TNNI3: variants seen among roughly 807,000 people sequenced by gnomAD.
TNNI3 encodes troponin I, cardiac muscle.
A neutral mutation model predicts 31.5 loss-of-function variants in TNNI3; 23 were observed. That is an observed-to-expected ratio of 0.73 (90% CI 0.52 to 1.03). The LOEUF (loss-of-function observed/expected upper bound fraction) is 1.03. Among genes scored for constraint, TNNI3 ranks in the 50% least tolerant of loss-of-function variants. TNNI3 has a pLI of 0.00. For synonymous variants in TNNI3, 120 were observed against 111.7 expected (o/e 1.07, Z -0.47); for missense variants, 236 against 282.9 (o/e 0.83, Z 1.19).
rs1208458716 is a variant in TNNI3, at chr19:55,152,246, TG to T, written c.550-330del. Among the ~76,000 whole-genome samples, 2 of 152,104 alleles carry T rather than the reference TG, an allele frequency of 1.3e-5. No homozygotes were observed. Among genetic ancestry groups the T allele is most frequent in the Non-Finnish European group, 2.9e-5 (2 of 68,020 alleles). Reference sequence around the variant, plus strand: ...TCCCCTCCACTTCCTGTCTCCTTCCTGCACTTCCTATCTTTCCCCTCCACTT... The same window carrying T: ...TCCCCTCCACTTCCTGTCTCCTTCCTCACTTCCTATCTTTCCCCTCCACTT... On this transcript the variant is annotated intron_variant, in intron 7 of 7. Transcript: ENST00000344887. The surrounding 1 kb of genome is among the most constrained non-coding windows in gnomAD (Gnocchi z 4.0).
Position 55,157,121 on chromosome 19 carries a change from G to A in TNNI3, c.37C>T (p.Arg13Cys). 6.2e-7 allele frequency: 1 copy of A among 1,602,166 alleles called. No homozygotes were observed. Among genetic ancestry groups the A allele is most frequent in the Non-Finnish European group, 8.5e-7 (1 of 1,176,098 alleles). The change falls in exon 3 of 8, where the codon CGC becomes TGC. Residue 13 changes from arginine (R) to cysteine (C), a missense_variant. Arg to Cys is a radical substitution (Grantham distance 180). Coordinates refer to ENST00000344887, the MANE Select transcript of TNNI3 (RefSeq NM_000363.5). The surrounding 1 kb of genome is among the most constrained non-coding windows in gnomAD (Gnocchi z 6.3). Reference sequence around the variant, plus strand: ...CGTCTGATTGGGGCTGGTGCAGGGCGAGGTTCCCTAGCCTGGGTTAGGAGG... The same window carrying A: ...CGTCTGATTGGGGCTGGTGCAGGGCAAGGTTCCCTAGCCTGGGTTAGGAGG... ...DGSSDAAREP[R>C]PAPAPIRRRS...
chr19:55,156,923 A>G lies in TNNI3; in HGVS notation c.108+127T>C. Reference sequence around the variant, plus strand: ...CACCAATCCGAGCATGACCCTCTGCAAAACTCCGCCCCTGAAGCCCCTCCG... The same window carrying G: ...CACCAATCCGAGCATGACCCTCTGCGAAACTCCGCCCCTGAAGCCCCTCCG... On this transcript the variant is annotated intron_variant, in intron 3 of 7. Coordinates refer to ENST00000344887, the MANE Select transcript of TNNI3 (RefSeq NM_000363.5). The surrounding 1 kb of genome is among the most constrained non-coding windows in gnomAD (Gnocchi z 4.6). 1 of 1,158,386 alleles carries G rather than the reference A, an allele frequency of 8.6e-7. No homozygotes were observed. The highest frequency in any genetic ancestry group is 1.2e-6 in the Non-Finnish European group (1 of 803,640). The allele number at this position is 1,158,386 out of a possible 1,614,324, so 71.8% of individuals were successfully genotyped here.
rs1041547434 is a variant in TNNI3 at position 55,156,771 on chromosome 19, C to G, written c.109-127G>C. On this transcript the variant is annotated intron_variant, in intron 3 of 7. Coordinates refer to ENST00000344887, the MANE Select transcript of TNNI3 (RefSeq NM_000363.5). This position sits in a 1 kb window ranked among gnomAD's most constrained non-coding sequence, Gnocchi z 4.6. ...TTTGGGCCCACGTCCAACTTGAGCC[C>G]TGAGTCTACGGGAGGCCACGCCCCT... The G allele has an allele frequency of 6.1e-5, 69 of 1,124,778 alleles. No homozygotes were observed. Among genetic ancestry groups the G allele is most frequent in the Non-Finnish European group, 8.4e-5 (64 of 760,162 alleles). 69.7% of individuals were successfully genotyped at this position (1,124,778 alleles called of 1,614,324 possible). A position where few individuals can be genotyped will look rare whatever the true frequency, so the allele number is the denominator to read the frequency against.
chr19:55,153,116 G>C (rs1043067179), intron 7 of TNNI3, among the ~76,000 whole-genome samples: 5 of 151,876 alleles, frequency 3.3e-5, no homozygotes, highest in Admixed American at 6.6e-5. Context: ...ATTTTTTATA[G>C]AGACATGGTC....
rs2085733151 is a variant in TNNI3 at position 55,156,684 on chromosome 19, G to A, written c.109-40C>T. ...TGGAGCAAGGAAGGATCATGGAGGG[G>A]GATTCGGAGACGACGGTGGAGGGGA... On this transcript the variant is annotated intron_variant, in intron 3 of 7. Transcript: ENST00000344887. This position sits in a 1 kb window ranked among gnomAD's most constrained non-coding sequence, Gnocchi z 4.6. The A allele has an allele frequency of 6.4e-7, 1 of 1,554,778 alleles. No homozygotes were observed. Among genetic ancestry groups the A allele is most frequent in the Non-Finnish European group, 8.7e-7 (1 of 1,147,594 alleles).
chr19:55,156,968 G>GCAGC lies in TNNI3; in HGVS notation c.108+78_108+81dup. ...CCTCCGCGTAGTCCCCGCCCCCTTCGCAGCCCTGGCTCCTCCCCCCACTCC... is the reference window on the plus strand; with the variant it reads ...CCTCCGCGTAGTCCCCGCCCCCTTCGCAGCCAGCCCTGGCTCCTCCCCCCACTCC... On this transcript the variant is annotated intron_variant, in intron 3 of 7. Transcript: ENST00000344887. This position sits in a 1 kb window ranked among gnomAD's most constrained non-coding sequence, Gnocchi z 4.6. The GCAGC allele has an allele frequency of 6.9e-7, 1 of 1,442,428 alleles. No individual in the cohort carries two copies. The highest frequency in any genetic ancestry group is 2.5e-5 in the East Asian group (1 of 40,736). 89.4% of individuals were successfully genotyped at this position (1,442,428 alleles called of 1,614,324 possible).
chr19:55,152,047 T>G lies in TNNI3; in HGVS notation c.550-130A>C. On this transcript the variant is annotated intron_variant, in intron 7 of 7. Transcript: ENST00000344887. The surrounding 1 kb of genome is among the most constrained non-coding windows in gnomAD (Gnocchi z 4.0). The stretch of plus-strand genomic sequence containing the variant: ...CCTAAGTATCTAGTTCTGGAGCACT[T>G]CCTGTCTTTTCAAGATAATCCCTGC... 1.2e-6 allele frequency: 1 copy of G among 806,648 alleles called. No individual in the cohort carries two copies. The highest frequency in any genetic ancestry group is 1.5e-5 in the South Asian group (1 of 68,724). 50.0% of individuals were successfully genotyped at this position (806,648 alleles called of 1,614,324 possible).
In TNNI3 at chr19:55,156,248, G is replaced by T. The variant is rs3729712; in HGVS notation, c.235C>A (p.Arg79Ser). ...CCGGCCAACTCCAGCGGCTGGCAGC[G>T]GGTGCTCAGAGCGCGCCCCTTCTCT... ...RGEKGRALST[R>S]CQPLELAGLG... Residue 79 changes from arginine (R) to serine (S), a missense_variant, in exon 5 of 8, where the codon CGC becomes AGC. This residue lies in a region of TNNI3 where 172 missense variants were observed against 171.8 expected (regional missense o/e 1.00). Transcript: ENST00000344887. This position sits in a 1 kb window ranked among gnomAD's most constrained non-coding sequence, Gnocchi z 4.6. 3 of 1,612,258 alleles carry T rather than the reference G, an allele frequency of 1.9e-6. No homozygotes were observed. Among genetic ancestry groups the T allele is most frequent in the Non-Finnish European group, 2.5e-6 (3 of 1,179,806 alleles).
rs1035943849 is a variant in TNNI3, at chr19:55,156,078, C to G, written c.282+123G>C. ...AGGGTGTTAGGGGCCAGGAGTCCCA[C>G]GAACCATATATAATTGGGTAAGGAC... On this transcript the variant is annotated intron_variant, in intron 5 of 7. Transcript: ENST00000344887. This position sits in a 1 kb window ranked among gnomAD's most constrained non-coding sequence, Gnocchi z 4.6. 2.0e-6 allele frequency: 3 copies of G among 1,471,950 alleles called. No homozygotes were observed. Among genetic ancestry groups the G allele is most frequent in the Admixed American group, 1.8e-5 (1 of 55,270 alleles). The allele number at this position is 1,471,950 out of a possible 1,614,324, so 91.2% of individuals were successfully genotyped here.
rs1197428009 is a variant in TNNI3, at chr19:55,154,026, T to C, written c.549+4A>G. 1 of 1,611,086 alleles carries C rather than the reference T, an allele frequency of 6.2e-7. No individual in the cohort carries two copies. The highest frequency in any genetic ancestry group is 2.2e-5 in the East Asian group (1 of 44,808). ...CCTCTTTCCTGGCCTTAGCCCACAC[T>C]CACCTTCTCGGTGTCCTCCTTCTTC... On this transcript the variant is annotated splice_donor_region_variant and intron_variant, in intron 7 of 7. Coordinates refer to ENST00000344887, the MANE Select transcript of TNNI3 (RefSeq NM_000363.5).
chr19:55,155,692 T>A (rs1260065295), intron 5 of TNNI3, among the ~76,000 whole-genome samples: 10 of 36,946 alleles, frequency 2.7e-4, no homozygotes, highest in Non-Finnish European at 3.5e-4. Flanking sequence ...ACTGGACTCC[T>A]GGGTCTGAGG....
Position 55,156,170 on chromosome 19 carries a change from C to G in TNNI3, c.282+31G>C. 1.2e-6 allele frequency: 2 copies of G among 1,612,610 alleles called. No individual in the cohort carries two copies. The highest frequency in any genetic ancestry group is 2.2e-5 in the South Asian group (2 of 91,078). On this transcript the variant is annotated intron_variant, in intron 5 of 7. Transcript: ENST00000344887. The surrounding 1 kb of genome is among the most constrained non-coding windows in gnomAD (Gnocchi z 4.6). ...GAGGCTGTACTGCTGAATTCCGGGA[C>G]TAGAAACCTCGCATCCTTGGGAGCC...
Position 55,154,016 on chromosome 19 carries a change from T to C in TNNI3, c.549+14A>G. ...CCCTCAGCATCCTCTTTCCTGGCCT[T>C]AGCCCACACTCACCTTCTCGGTGTC... On this transcript the variant is annotated intron_variant, in intron 7 of 7. Transcript: ENST00000344887. The C allele has an allele frequency of 6.2e-7, 1 of 1,611,002 alleles. No homozygotes were observed. The highest frequency in any genetic ancestry group is 8.5e-7 in the Non-Finnish European group (1 of 1,179,920).
In TNNI3 at chr19:55,154,820, C is replaced by T. The variant is rs747522089; in HGVS notation, c.293G>A (p.Arg98Gln). ...CTTGTCCACACGGGCGTGGAGCTGT[C>T]GGCACAAGTCCTGGAGGAGGAACGT... ...LGFAELQDLCRQLHARVDKVD... is the reference protein window; with the variant it reads ...LGFAELQDLCQQLHARVDKVD... Residue 98 changes from arginine to glutamine, a missense_variant, in exon 6 of 8, where the codon CGA (arginine) becomes CAA (glutamine). By Grantham distance (43) the Arg-to-Gln change is conservative. Transcript: ENST00000344887. 1.3e-5 allele frequency: 21 copies of T among 1,614,010 alleles called. No individual in the cohort carries two copies. Among genetic ancestry groups the T allele is most frequent in the African/African-American group, 6.7e-5 (5 of 74,928 alleles).
intron 6 of TNNI3, 90 bp from the exon 7 acceptor site, chr19:55,154,296 C>T (rs2085713800): frequency 7.2e-7 from 1 of 1,396,186 alleles, no homozygotes; most frequent in African/African-American, 1.4e-5. Context: ...TTCTCCTTAT[C>T]TCGTCTTCCA....
chr19:55,156,526 C>G lies in TNNI3; in HGVS notation c.150+77G>C. ...AACCCCGCCCACTTCCGCCCACCTA[C>G]CCCGAAAGCCCCACCCATTCTCAAG... On this transcript the variant is annotated intron_variant, in intron 4 of 7. Transcript: ENST00000344887. The surrounding 1 kb of genome is among the most constrained non-coding windows in gnomAD (Gnocchi z 4.6). 1 of 1,525,790 alleles carries G rather than the reference C, an allele frequency of 6.6e-7. No homozygotes were observed. The allele number at this position is 1,525,790 out of a possible 1,614,324, so 94.5% of individuals were successfully genotyped here. A position where few individuals can be genotyped will look rare whatever the true frequency, so the allele number is the denominator to read the frequency against.
At position 55,152,902 on chromosome 19, in the gene TNNI3, C is replaced by T. The variant is rs2085702848; in HGVS notation, c.550-985G>A. On this transcript the variant is annotated intron_variant, in intron 7 of 7. Transcript: ENST00000344887. The surrounding 1 kb of genome is among the most constrained non-coding windows in gnomAD (Gnocchi z 4.0). ...GCAACCTCTGCCTCCCGGGTTCAAG[C>T]AATTCTCCTGCCTCAGCTTCACAAG... Among the ~76,000 whole-genome samples the T allele has an allele frequency of 6.6e-6, 1 of 152,214 alleles. No homozygotes were observed. Among genetic ancestry groups the T allele is most frequent in the East Asian group, 1.9e-4 (1 of 5,184 alleles).
At position 55,154,810 on chromosome 19, in the gene TNNI3, G is replaced by A. The variant is rs199539066; in HGVS notation, c.303C>T (p.His101=). 79 of 1,614,174 alleles carry A rather than the reference G, an allele frequency of 4.9e-5. No individual in the cohort carries two copies. The highest frequency in any genetic ancestry group is 9.9e-5 in the South Asian group (9 of 91,084). The change falls in exon 6 of 8, where the codon CAC becomes CAT. Residue 101 remains histidine, a synonymous_variant. Coordinates refer to ENST00000344887, the MANE Select transcript of TNNI3 (RefSeq NM_000363.5). Reference sequence around the variant, plus strand: ...CTTCATCCACCTTGTCCACACGGGCGTGGAGCTGTCGGCACAAGTCCTGGA... The same window carrying A: ...CTTCATCCACCTTGTCCACACGGGCATGGAGCTGTCGGCACAAGTCCTGGA... The part of the protein sequence containing the change: ...AELQDLCRQL[H]ARVDKVDEER...
Position 55,157,436 on chromosome 19 carries a change from C to A in TNNI3, c.12-128G>T, listed in dbSNP as rs554898060. 4 of 1,584,710 alleles carry A rather than the reference C, an allele frequency of 2.5e-6. No individual in the cohort carries two copies. In the African/African-American group the frequency reaches 5.4e-5, roughly 21 times the overall value. ...TTCCCCTTCCTTGGGTTCCAGGAGTCTGACTCGCAAACCCACTTCCTCTCT... is the reference window on the plus strand; with the variant it reads ...TTCCCCTTCCTTGGGTTCCAGGAGTATGACTCGCAAACCCACTTCCTCTCT... On this transcript the variant is annotated intron_variant, in intron 1 of 7. Coordinates refer to ENST00000344887, the MANE Select transcript of TNNI3 (RefSeq NM_000363.5). The surrounding 1 kb of genome is among the most constrained non-coding windows in gnomAD (Gnocchi z 6.3).
Sources: gnomAD v4.1 joint callset for allele counts (sites outside exome capture counted in the v4.1 genomes callset) on GRCh38, gnomAD v4.1.1 for gene constraint, gnomAD v4.1.1 regional missense constraint, Gnocchi (gnomAD v3.1) non-coding constraint, MANE v1.5 for transcripts, NCBI Gene and HGNC (gene_info 2026-07-23, HGNC 2026-07-21) for gene names.